The following DPP6 variants were observed in gnomAD, a reference collection of about 807,000 sequenced individuals.
The protein encoded by DPP6 is dipeptidyl peptidase like 6.
Under a neutral mutation model 122.6 loss-of-function variants are expected in DPP6, and 69 were observed. That is an observed-to-expected ratio of 0.56 (90% confidence interval 0.46 to 0.69). DPP6 has a LOEUF of 0.69. Among genes scored for constraint, DPP6 ranks in the 30% least tolerant of loss-of-function variants. The pLI is 0.00. For synonymous variants in DPP6, 418 were observed against 433.1 expected (o/e 0.97, Z 0.43); for missense variants, 928 against 1,116.9 (o/e 0.83, Z 2.41).
At chr7:154,852,073 CA>C (rs1250049418) in intron 16 of DPP6, among the ~76,000 whole-genome samples, 4 of 152,200 alleles carry the variant, frequency 2.6e-5, no homozygotes, top group Non-Finnish European at 5.9e-5. Flanking sequence ...GCATTTCTGC[CA>C]CATGCTCTTT....
the DPP6 span, among the ~76,000 whole-genome samples, chr7:153,875,933 A>AG: frequency 1.3e-5 from 2 of 151,510 alleles, no homozygotes; most frequent in Non-Finnish European, 1.5e-5. Flanking sequence ...CCAAAAAAAA[A>AG]AAAAAACCCT....
intron 1 of DPP6, among the ~76,000 whole-genome samples, chr7:154,128,398 G>T (rs1179093301): frequency 1.3e-5 from 2 of 152,154 alleles, no homozygotes; most frequent in Non-Finnish European, 2.9e-5. Flanking sequence ...AACATAGTGA[G>T]ACTGTCTATT....
At chr7:153,988,036 A>G (rs1796935275) in intron 1 of DPP6, among the ~76,000 whole-genome samples, 1 of 152,154 alleles carries the variant, frequency 6.6e-6, no homozygotes, top group Non-Finnish European at 1.5e-5. Flanking sequence ...CAGTCCCTAA[A>G]CAACCAGAGC....
At chr7:153,939,660 TAAG>T (rs1457515799) in intron 1 of DPP6, among the ~76,000 whole-genome samples, 1 of 152,246 alleles carries the variant, frequency 6.6e-6, no homozygotes, top group Non-Finnish European at 1.5e-5. Context: ...GTGCTAGATT[TAAG>T]AAGATAAGAA....
chr7:153,791,055 A>G, the DPP6 span, among the ~76,000 whole-genome samples: 1 of 152,224 alleles, frequency 6.6e-6, no homozygotes, highest in African/African-American at 2.4e-5. Context: ...GTTCATTATT[A>G]TAGACAATCT....
At chr7:154,270,503 G>A (rs1001696380) in intron 1 of DPP6, among the ~76,000 whole-genome samples, 1 of 152,158 alleles carries the variant, frequency 6.6e-6, no homozygotes, top group Non-Finnish European at 1.5e-5. Context: ...AGCTCACCAA[G>A]TACCAGAATG....
intron 8 of DPP6, among the ~76,000 whole-genome samples, chr7:154,736,411 A>G (rs1260708738): frequency 6.6e-6 from 1 of 152,212 alleles, no homozygotes; most frequent in African/African-American, 2.4e-5. Context: ...AATAAACTTT[A>G]TTTGTGGACA....
At chr7:154,795,915 A>G in intron 12 of DPP6, 32 bp downstream of exon 12, 5 of 1,600,092 alleles carry the variant, frequency 3.1e-6, no homozygotes, top group African/African-American at 1.3e-5. Context: ...CCCCACTGTC[A>G]CCTCCACCTG....
intron 1 of DPP6, among the ~76,000 whole-genome samples, chr7:154,185,030 A>G (rs1047560539): frequency 2.0e-5 from 3 of 152,196 alleles, no homozygotes; most frequent in African/African-American, 7.2e-5. Context: ...AATTCTGAAA[A>G]TATGTGTATA....
chr7:154,708,149 C>A (rs143099817), intron 7 of DPP6, among the ~76,000 whole-genome samples: 1 of 152,154 alleles, frequency 6.6e-6, no homozygotes, highest in African/African-American at 2.4e-5. Context: ...TGACTCCTGG[C>A]AATTTTAGGA....
chr7:154,773,083 C>A, intron 10 of DPP6, 141 bp downstream of exon 10: 1 of 1,162,382 alleles, frequency 8.6e-7, no homozygotes, highest in Non-Finnish European at 1.1e-6. Context: ...AAGATTTCCT[C>A]ACTGCTTTAT....
chr7:154,778,939 C>G (rs370592135), intron 10 of DPP6, among the ~76,000 whole-genome samples: 3 of 150,210 alleles, frequency 2.0e-5, no homozygotes, highest in Non-Finnish European at 4.5e-5. Context: ...ACCTCTACAA[C>G]TTCCACCACC....
intron 15 of DPP6, among the ~76,000 whole-genome samples, chr7:154,806,636 G>A (rs1487991928): frequency 2.0e-5 from 3 of 152,188 alleles, no homozygotes; most frequent in African/African-American, 7.2e-5. Context: ...CCACTCAGAG[G>A]GACAGGACAC....
At chr7:154,041,531 G>A (rs958834494) in intron 1 of DPP6, among the ~76,000 whole-genome samples, 4 of 152,168 alleles carry the variant, frequency 2.6e-5, no homozygotes, top group African/African-American at 7.2e-5. Context: ...GATGCTTAGC[G>A]ACCTATCCTG....
At chr7:153,999,636 T>A (rs1381662910) in intron 1 of DPP6, among the ~76,000 whole-genome samples, 1 of 152,188 alleles carries the variant, frequency 6.6e-6, no homozygotes, top group African/African-American at 2.4e-5. Context: ...TATCTTTAAC[T>A]TCAGTTTGGC....
At chr7:154,120,623 A>C (rs1807379437) in intron 1 of DPP6, among the ~76,000 whole-genome samples, 1 of 152,178 alleles carries the variant, frequency 6.6e-6, no homozygotes, top group Non-Finnish European at 1.5e-5. Flanking sequence ...AAAGTAGTAG[A>C]AAATGGTCAT....
At chr7:154,011,627 T>C (rs1372836894) in intron 1 of DPP6, among the ~76,000 whole-genome samples, 2 of 152,232 alleles carry the variant, frequency 1.3e-5, no homozygotes, top group Non-Finnish European at 2.9e-5. Context: ...CTACCTGAAG[T>C]ATTCCATCTC....
chr7:153,914,321 C>T (rs1800215448), intron 1 of DPP6, among the ~76,000 whole-genome samples: 1 of 152,054 alleles, frequency 6.6e-6, no homozygotes, highest in Admixed American at 6.6e-5. Context: ...GTATAATTAC[C>T]CCAGTCTTAA....
intron 6 of DPP6, among the ~76,000 whole-genome samples, chr7:154,660,415 T>C (rs75309912): frequency 1.8e-4 from 27 of 148,184 alleles, no homozygotes; most frequent in Non-Finnish European, 2.8e-4. Flanking sequence ...AGTGTTCATA[T>C]AGTCATGGTG....
Sources: allele counts gnomAD v4.1 joint callset (sites outside exome capture counted in the v4.1 genomes callset), GRCh38; gene constraint gnomAD v4.1.1; transcripts MANE v1.5; gene names NCBI Gene and HGNC (gene_info 2026-07-23, HGNC 2026-07-21).